CDH9: variants seen among roughly 807,000 people sequenced by gnomAD.
The protein encoded by CDH9 is cadherin 9, also known as cadherin-9.
A neutral mutation model predicts 70.9 loss-of-function variants in CDH9; 28 were observed. The observed-to-expected ratio is 0.40, with a 90% CI of 0.29 to 0.54. The LOEUF (loss-of-function observed/expected upper bound fraction) is 0.54, where lower values mean the gene tolerates loss of function less well. Among genes scored for constraint, CDH9 ranks in the 20% least tolerant of loss-of-function variants. The pLI, the probability that CDH9 is intolerant of heterozygous loss-of-function variation, is 0.59. For synonymous variants in CDH9, 409 were observed against 343.1 expected (o/e 1.19, Z -2.12); for missense variants, 874 against 984.4 (o/e 0.89, Z 1.50).
At chr5:26,906,899 T>A (rs879297827) in intron 3 of CDH9, 61 bp from the exon 4 acceptor site, 1 of 1,495,514 alleles carries the variant, frequency 6.7e-7, no homozygotes, top group Non-Finnish European at 9.0e-7. Context: ...TGAAACAATC[T>A]TTCTTAAAAA....
At chr5:26,979,800 T>C (rs374758634) in intron 2 of CDH9, among the ~76,000 whole-genome samples, 3 of 151,940 alleles carry the variant, frequency 2.0e-5, no homozygotes, top group Admixed American at 6.6e-5. Context: ...CAGGTAAAGG[T>C]TGGTATTCAT....
chr5:26,954,647 G>A (rs1741914295), intron 2 of CDH9, among the ~76,000 whole-genome samples: 1 of 151,896 alleles, frequency 6.6e-6, no homozygotes, highest in South Asian at 2.1e-4. Flanking sequence ...GCCTCCTAAA[G>A]TGCAGGGATT....
chr5:26,932,270 TA>T (rs888051859), intron 2 of CDH9, among the ~76,000 whole-genome samples: 1 of 151,994 alleles, frequency 6.6e-6, no homozygotes, highest in African/African-American at 2.4e-5. Flanking sequence ...ATTTGTTCAG[TA>T]AAAATATCTT....
At chr5:27,026,727 T>A (rs201162471) in intron 1 of CDH9, among the ~76,000 whole-genome samples, 1 of 151,900 alleles carries the variant, frequency 6.6e-6, no homozygotes, top group East Asian at 1.9e-4. Flanking sequence ...TAAATTTAAA[T>A]ATTTTGTATA....
chr5:27,027,888 AT>A (rs1300003718), intron 1 of CDH9, among the ~76,000 whole-genome samples: 4 of 152,084 alleles, frequency 2.6e-5, no homozygotes, highest in Non-Finnish European at 4.4e-5. Flanking sequence ...GTTTCAATTT[AT>A]GAACTGTTAA....
chr5:26,931,661 C>A (rs1741464375), intron 2 of CDH9, among the ~76,000 whole-genome samples: 1 of 151,992 alleles, frequency 6.6e-6, no homozygotes, highest in African/African-American at 2.4e-5. Flanking sequence ...ATGAAAATGT[C>A]CAGAATAAAG....
At chr5:26,971,231 A>T in intron 2 of CDH9, among the ~76,000 whole-genome samples, 1 of 152,180 alleles carries the variant, frequency 6.6e-6, no homozygotes, top group East Asian at 1.9e-4. Flanking sequence ...TGAAGCACGC[A>T]TTACCAGGAG....
intron 2 of CDH9, among the ~76,000 whole-genome samples, chr5:26,931,351 G>A (rs956033516): frequency 9.9e-5 from 15 of 152,114 alleles, no homozygotes; most frequent in African/African-American, 3.4e-4. Flanking sequence ...AGATATCTTT[G>A]TAAGAGTTTT....
At chr5:26,940,758 T>C (rs1741646570) in intron 2 of CDH9, among the ~76,000 whole-genome samples, 1 of 152,196 alleles carries the variant, frequency 6.6e-6, no homozygotes, top group African/African-American at 2.4e-5. Context: ...AACAGTGGAA[T>C]TGATTTTGAA....
At chr5:26,908,713 C>A (rs1436814241) in intron 3 of CDH9, among the ~76,000 whole-genome samples, 1 of 152,074 alleles carries the variant, frequency 6.6e-6, no homozygotes, top group Non-Finnish European at 1.5e-5. Flanking sequence ...TTAATATAAA[C>A]AACAGAAATA....
intron 1 of CDH9, among the ~76,000 whole-genome samples, chr5:27,037,090 G>A (rs992633581): frequency 6.6e-6 from 1 of 151,984 alleles, no homozygotes; most frequent in Non-Finnish European, 1.5e-5. Context: ...CAGAATGTAG[G>A]AGGAGGTTTT....
At chr5:26,953,103 A>G (rs1399744838) in intron 2 of CDH9, among the ~76,000 whole-genome samples, 1 of 152,120 alleles carries the variant, frequency 6.6e-6, no homozygotes, top group Admixed American at 6.5e-5. Context: ...TGAAGGTTTT[A>G]TCATTCTGGA....
Position 26,927,567 on chromosome 5 carries a change from C to G in CDH9, c.229-11643G>C, listed in dbSNP as rs142175070. Reference sequence around the variant, plus strand: ...GTGGTCATTAGCAACTTCTATGTACCCCAAGGCCCACATCCCACATGTATC... The same window carrying G: ...GTGGTCATTAGCAACTTCTATGTACGCCAAGGCCCACATCCCACATGTATC... On this transcript the variant is annotated intron_variant, in intron 2 of 11. Coordinates refer to ENST00000231021, the MANE Select transcript of CDH9 (RefSeq NM_016279.4). Among the ~76,000 whole-genome samples, 944 of 151,922 alleles carry G rather than the reference C, an allele frequency of 6.2e-3. 16 individuals are homozygous for G. Among genetic ancestry groups the G allele is most frequent in the African/African-American group, 0.021 (875 of 41,468 alleles).
At chr5:27,028,694 T>C (rs1743261851) in intron 1 of CDH9, among the ~76,000 whole-genome samples, 1 of 152,050 alleles carries the variant, frequency 6.6e-6, no homozygotes, top group East Asian at 1.9e-4. Context: ...TTCAAGTACA[T>C]TTTTAGGTAC....
rs931083993 is a variant in CDH9 at position 27,034,930 on chromosome 5, G to A, written c.-50+3533C>T. Among the ~76,000 whole-genome samples the A allele has an allele frequency of 2.1e-4, 32 of 151,302 alleles. 1 individual carries two copies. Among genetic ancestry groups the A allele is most frequent in the Admixed American group, 2.0e-3 (30 of 15,108 alleles). ...ATAATAAGGATAATGGTGCTTCCAG[G>A]CAGAGAAATTGAAATGACTCATAAG... On this transcript the variant is annotated intron_variant, in intron 1 of 11. Coordinates refer to ENST00000231021, the MANE Select transcript of CDH9 (RefSeq NM_016279.4).
intron 2 of CDH9, among the ~76,000 whole-genome samples, chr5:26,956,860 T>C (rs561202436): frequency 6.6e-5 from 10 of 152,276 alleles, no homozygotes; most frequent in African/African-American, 2.4e-4. Context: ...AAAATCATCA[T>C]CATAATAGCA....
At position 26,899,256 on chromosome 5, in the gene CDH9, G is replaced by C. The variant is rs147172315; in HGVS notation, c.1253+3220C>G. ...ATTAGTTCAACCATTGTAGAAGACAGTGTGGTGATTCCTCAAGGATCTAGA... is the reference window on the plus strand; with the variant it reads ...ATTAGTTCAACCATTGTAGAAGACACTGTGGTGATTCCTCAAGGATCTAGA... On this transcript the variant is annotated intron_variant, in intron 7 of 11. Coordinates refer to ENST00000231021, the MANE Select transcript of CDH9 (RefSeq NM_016279.4). Among the ~76,000 whole-genome samples, 1,076 of 152,298 alleles carry C rather than the reference G, an allele frequency of 7.1e-3. 5 individuals are homozygous for C. Among genetic ancestry groups the C allele is most frequent in the Middle Eastern group, 0.034 (10 of 294 alleles).
intron 1 of CDH9, among the ~76,000 whole-genome samples, chr5:26,999,491 G>A (rs1742726983): frequency 6.6e-6 from 1 of 152,088 alleles, no homozygotes; most frequent in Admixed American, 6.6e-5. Flanking sequence ...TGCTATGTAG[G>A]TACAGTAATC....
rs768539244 is a variant in CDH9 at position 26,903,561 on chromosome 5, CT to C, written c.999+75del. The C allele has an allele frequency of 2.9e-5, 27 of 944,494 alleles. No individual in the cohort carries two copies. The African/African-American group carries it at 2.9e-4, about 10-fold the overall frequency. The allele number at this position is 944,494 out of a possible 1,614,324, so 58.5% of individuals were successfully genotyped here. A position where few individuals can be genotyped will look rare whatever the true frequency, so the allele number is the denominator to read the frequency against. Reference sequence around the variant, plus strand: ...AAGATGGGGGAAAATAAATCCCAGGCTTTTTTTCCCTTTACTGAAAAGCAAA... The same window carrying C: ...AAGATGGGGGAAAATAAATCCCAGGCTTTTTTCCCTTTACTGAAAAGCAAA... On this transcript the variant is annotated intron_variant, in intron 6 of 11. Coordinates refer to ENST00000231021, the MANE Select transcript of CDH9 (RefSeq NM_016279.4).
Sources: gnomAD v4.1 joint callset for allele counts (sites outside exome capture counted in the v4.1 genomes callset) on GRCh38, gnomAD v4.1.1 for gene constraint, MANE v1.5 for transcripts, NCBI Gene and HGNC (gene_info 2026-07-23, HGNC 2026-07-21) for gene names.